Variants in MTMR3 observed in about 807,000 individuals in gnomAD.
MTMR3 encodes the protein phosphatidylinositol-3,5-bisphosphate 3-phosphatase MTMR3.
MTMR3 carries 32 observed loss-of-function variants against 132.4 expected under a neutral mutation model. The observed-to-expected ratio is 0.24, with a 90% confidence interval of 0.18 to 0.32. The LOEUF is 0.32. Among genes scored for constraint, MTMR3 ranks in the 10% least tolerant of loss-of-function variants. MTMR3 has a pLI of 1.00. For synonymous variants in MTMR3, 556 were observed against 550.3 expected (o/e 1.01, Z -0.14); for missense variants, 1,216 against 1,489.6 (o/e 0.82, Z 3.02).
intron 1 of MTMR3, among the ~76,000 whole-genome samples, chr22:29,886,561 T>C (rs1724797948): frequency 6.6e-6 from 1 of 152,234 alleles, no homozygotes; most frequent in Admixed American, 6.5e-5. Flanking sequence ...CTATAGTCTT[T>C]GACCTCAAGT....
chr22:29,983,590 TAG>T (rs1189041849), intron 5 of MTMR3: 1 of 152,206 alleles, frequency 6.6e-6, no homozygotes, highest in African/African-American at 2.4e-5. Context: ...AGGTGAACAA[TAG>T]AGTTTGAATC....
chr22:29,923,811 C>A (rs1307122799), intron 1 of MTMR3, among the ~76,000 whole-genome samples: 2 of 152,246 alleles, frequency 1.3e-5, no homozygotes, highest in East Asian at 3.9e-4. Flanking sequence ...TCTTCAAATA[C>A]AGTCATATCA....
chr22:29,898,059 TC>T (rs779389570), intron 1 of MTMR3, among the ~76,000 whole-genome samples: 9 of 152,088 alleles, frequency 5.9e-5, no homozygotes, highest in Non-Finnish European at 1.0e-4. Context: ...CACTGCAACT[TC>T]CGTCTCCCAG....
intron 3 of MTMR3, among the ~76,000 whole-genome samples, chr22:29,976,265 A>G (rs991789864): frequency 3.9e-5 from 6 of 152,128 alleles, no homozygotes; most frequent in Non-Finnish European, 7.4e-5. Context: ...ATTATTGACA[A>G]CTAATACTAT....
rs780211488 is a variant in MTMR3 at position 29,971,095 on chromosome 22, A to AG, written c.3+33_3+34insG. 73 of 1,579,890 alleles carry AG rather than the reference A, an allele frequency of 4.6e-5. No individual in the cohort carries two copies. In the African/African-American group the frequency reaches 8.0e-4, roughly 17 times the overall value. ...CAAGGAAATAAGAGTAAAAAAAAAAACAAAAAACCCTGTGTCCTGACAATT... is the reference window on the plus strand; with the variant it reads ...CAAGGAAATAAGAGTAAAAAAAAAAAGCAAAAAACCCTGTGTCCTGACAATT... On this transcript the variant is annotated intron_variant, in intron 3 of 19. Coordinates refer to ENST00000401950, the MANE Select transcript of MTMR3 (RefSeq NM_021090.4).
At chr22:29,937,846 TA>T (rs1272221934) in intron 1 of MTMR3, among the ~76,000 whole-genome samples, 1 of 152,192 alleles carries the variant, frequency 6.6e-6, no homozygotes, top group African/African-American at 2.4e-5. Flanking sequence ...CCTGTTTTTT[TA>T]GTTGTTGGTT....
chr22:29,941,412 G>A (rs1187729893), intron 1 of MTMR3, among the ~76,000 whole-genome samples: 1 of 152,082 alleles, frequency 6.6e-6, no homozygotes, highest in African/African-American at 2.4e-5. Context: ...CATTTCTCTT[G>A]GGTAATACCC....
chr22:29,975,625 A>G (rs956310060), intron 3 of MTMR3, among the ~76,000 whole-genome samples: 9 of 152,208 alleles, frequency 5.9e-5, no homozygotes, highest in Non-Finnish European at 8.8e-5. Context: ...TTTTGACACA[A>G]GGTCTTGCTC....
intron 3 of MTMR3, 55 bp from the exon 4 acceptor site, chr22:29,978,387 C>G: frequency 4.8e-6 from 7 of 1,455,622 alleles, no homozygotes; most frequent in Non-Finnish European, 6.7e-6. Context: ...GCAGAAAAAC[C>G]AAATATGAAT....
chr22:30,014,386 T>C (rs886309920), intron 14 of MTMR3: 1 of 152,332 alleles, frequency 6.6e-6, no homozygotes, highest in African/African-American at 2.4e-5. Flanking sequence ...TTTCTTCAAT[T>C]GACCTTCTAG....
intron 9 of MTMR3, chr22:30,006,584 C>T (rs956197456): frequency 4.5e-5 from 7 of 154,698 alleles, no homozygotes; most frequent in African/African-American, 7.2e-5. Flanking sequence ...GGGTCTTGCT[C>T]TGTCACCCAA....
intron 18 of MTMR3, 84 bp downstream of exon 18, chr22:30,022,223 TG>T: frequency 1.8e-6 from 2 of 1,120,566 alleles, no homozygotes; most frequent in South Asian, 2.6e-5. Flanking sequence ...CCCATACCCC[TG>T]GCCAAGGAAG....
intron 16 of MTMR3, chr22:30,018,369 C>T (rs192326835): frequency 1.3e-4 from 42 of 320,790 alleles, no homozygotes; most frequent in Non-Finnish European, 2.3e-4. Flanking sequence ...TGTGTTTTCC[C>T]CAGTGCTCTG....
chr22:29,916,298 TTACCC>T (rs1262089615), intron 1 of MTMR3, among the ~76,000 whole-genome samples: 1 of 152,198 alleles, frequency 6.6e-6, no homozygotes, highest in Non-Finnish European at 1.5e-5. Flanking sequence ...TAGTTGCTTG[TTACCC>T]AGTGGTTGTT....
intron 16 of MTMR3, 35 bp downstream of exon 16, chr22:30,018,107 TG>T (rs1569052731): frequency 1.3e-6 from 2 of 1,561,330 alleles, no homozygotes; most frequent in Non-Finnish European, 1.7e-6. Context: ...CCTGACAGCC[TG>T]TGTGGGTGTA....
rs1226829840 is a variant in MTMR3 at position 29,917,012 on chromosome 22, A to G, written c.-138+33653A>G. ...TGGATTATTCTGTTCTTGTTCTACA[A>G]TATCCCAATATCTTCAGCAAAGGAT... is the stretch of plus-strand genomic sequence containing the variant. On this transcript the variant is annotated intron_variant, in intron 1 of 19. Transcript: ENST00000401950. 2.0e-5 allele frequency among the ~76,000 whole-genome samples: 3 copies of G among 152,300 alleles called. 1 individual carries two copies. The highest frequency in any genetic ancestry group is 4.1e-4 in the South Asian group (2 of 4,830).
At chr22:29,954,369 C>T (rs1470305460) in intron 1 of MTMR3, among the ~76,000 whole-genome samples, 4 of 152,120 alleles carry the variant, frequency 2.6e-5, no homozygotes, top group African/African-American at 9.7e-5. Flanking sequence ...AGATTATAGG[C>T]ATGAGCCACC....
chr22:29,908,634 C>G (rs745678191), intron 1 of MTMR3, among the ~76,000 whole-genome samples: 19 of 151,438 alleles, frequency 1.3e-4, no homozygotes, highest in Non-Finnish European at 1.8e-4. Flanking sequence ...AGGAATATGT[C>G]TTTTTCATTT....
At chr22:29,903,355 G>A (rs5997553) in intron 1 of MTMR3, among the ~76,000 whole-genome samples, 1 of 151,466 alleles carries the variant, frequency 6.6e-6, no homozygotes, top group Non-Finnish European at 1.5e-5. Flanking sequence ...TCAGAGAATA[G>A]CAGTGTTTTT....
Sources: gnomAD v4.1 joint callset for allele counts (sites outside exome capture counted in the v4.1 genomes callset) on GRCh38, gnomAD v4.1.1 for gene constraint, MANE v1.5 for transcripts, NCBI Gene and HGNC (gene_info 2026-07-23, HGNC 2026-07-21) for gene names.